Variants in DYNC1I1 observed in about 807,000 individuals in gnomAD.
DYNC1I1 encodes cytoplasmic dynein 1 intermediate chain 1.
A neutral mutation model predicts 86.6 loss-of-function variants in DYNC1I1; 43 were observed. That is an observed-to-expected ratio of 0.50 (90% CI 0.39 to 0.64). DYNC1I1 has a LOEUF of 0.64. Among genes scored for constraint, DYNC1I1 ranks in the 30% least tolerant of loss-of-function variants. The pLI is 0.00. For missense variants in DYNC1I1, 604 were observed against 788.8 expected, an observed-to-expected ratio of 0.77 and a Z score of 2.81; for synonymous variants, 262 against 283.7, an observed-to-expected ratio of 0.92 and a Z score of 0.77.
intron 6 of DYNC1I1, among the ~76,000 whole-genome samples, chr7:95,940,410 T>C (rs1015289502): frequency 1.2e-3 from 188 of 152,338 alleles, no homozygotes; most frequent in Non-Finnish European, 1.7e-3. Flanking sequence ...CTTGGTTCCA[T>C]TCTCCCCGTC....
At chr7:96,077,112 G>A (rs553931077) in intron 15 of DYNC1I1, among the ~76,000 whole-genome samples, 1 of 152,136 alleles carries the variant, frequency 6.6e-6, no homozygotes, top group African/African-American at 2.4e-5. Context: ...CAAGTGCTGC[G>A]AACTATATGT....
chr7:95,851,031 A>T (rs1554399239), intron 5 of DYNC1I1, among the ~76,000 whole-genome samples: 1 of 151,700 alleles, frequency 6.6e-6, no homozygotes, highest in Non-Finnish European at 1.5e-5. Flanking sequence ...TGCAACCTCA[A>T]CCTCCTGCGA....
intron 6 of DYNC1I1, among the ~76,000 whole-genome samples, chr7:95,965,783 G>T (rs372727963): frequency 3.7e-4 from 56 of 152,236 alleles, no homozygotes; most frequent in Middle Eastern, 6.8e-3. Flanking sequence ...ACACATTTTT[G>T]ATTGCAAGTG....
At chr7:95,902,447 C>T (rs1027656327) in intron 6 of DYNC1I1, among the ~76,000 whole-genome samples, 41 of 152,156 alleles carry the variant, frequency 2.7e-4, no homozygotes, top group African/African-American at 9.4e-4. Flanking sequence ...TGATGTTCTA[C>T]AGCACAAGGC....
intron 6 of DYNC1I1, among the ~76,000 whole-genome samples, chr7:95,897,390 C>T (rs1465639841): frequency 1.3e-5 from 2 of 152,102 alleles, no homozygotes; most frequent in African/African-American, 4.8e-5. Context: ...CACCTCTCTC[C>T]CTGCCCCCCA....
chr7:95,874,000 T>C (rs997135936), intron 6 of DYNC1I1, among the ~76,000 whole-genome samples: 4 of 152,236 alleles, frequency 2.6e-5, no homozygotes, highest in Non-Finnish European at 5.9e-5. Context: ...TCCATGGGTC[T>C]ATGCCTAGAT....
At chr7:95,961,190 T>C (rs1237815126) in intron 6 of DYNC1I1, among the ~76,000 whole-genome samples, 1 of 152,190 alleles carries the variant, frequency 6.6e-6, no homozygotes, top group Admixed American at 6.5e-5. Context: ...TCTCTTGGTC[T>C]CTATGACAAT....
rs201704798 is a variant in DYNC1I1, at chr7:96,041,249, G to C, written c.1509+1828G>C. ...AAAGATAACAACCTCATTTATAAGA[G>C]AAATTAAAATTAAAACCAAGTTGAG... On this transcript the variant is annotated intron_variant, in intron 14 of 16. Transcript: ENST00000447467. Among the ~76,000 whole-genome samples, 19 of 152,154 alleles carry C rather than the reference G, an allele frequency of 1.2e-4. No homozygotes were observed. The East Asian group carries it at 3.5e-3, about 28-fold the overall frequency.
At chr7:95,988,526 G>A (rs892183673) in intron 9 of DYNC1I1, among the ~76,000 whole-genome samples, 6 of 152,130 alleles carry the variant, frequency 3.9e-5, no homozygotes, top group African/African-American at 7.2e-5. Context: ...ACAATATACC[G>A]GGCACTGAGT....
At chr7:96,060,809 T>TAA (rs370560035) in intron 14 of DYNC1I1, among the ~76,000 whole-genome samples, 2 of 142,756 alleles carry the variant, frequency 1.4e-5, no homozygotes, top group African/African-American at 5.1e-5. Flanking sequence ...AAATAAAGTC[T>TAA]AAAAAAAAAA....
intron 15 of DYNC1I1, among the ~76,000 whole-genome samples, chr7:96,077,302 A>G (rs541185885): frequency 3.8e-4 from 58 of 150,888 alleles, no homozygotes; most frequent in Non-Finnish European, 7.7e-4. Context: ...AATATTCTTC[A>G]GGTGTTATTA....
In DYNC1I1 at chr7:95,810,081, A is replaced by AT. The variant is rs202086241; in HGVS notation, c.109-302dup. Among the ~76,000 whole-genome samples, 614 of 151,846 alleles carry AT rather than the reference A, an allele frequency of 4.0e-3. 5 individuals are homozygous for AT. The highest frequency in any genetic ancestry group is 0.014 in the Middle Eastern group (4 of 294). On this transcript the variant is annotated intron_variant, in intron 2 of 16. Transcript: ENST00000447467. ...AAGGAAGTCTAAAAAAAGAGACAGA[A>AT]TTTTTTTTTATATTATATCCCCAGC...
intron 6 of DYNC1I1, among the ~76,000 whole-genome samples, chr7:95,917,061 T>G (rs1791489320): frequency 6.6e-6 from 1 of 152,156 alleles, no homozygotes; most frequent in Non-Finnish European, 1.5e-5. Flanking sequence ...TCCATCAGCT[T>G]GAGGTTCTTA....
intron 9 of DYNC1I1, among the ~76,000 whole-genome samples, chr7:95,990,147 C>T (rs1479593664): frequency 6.6e-6 from 1 of 152,170 alleles, no homozygotes; most frequent in African/African-American, 2.4e-5. Flanking sequence ...TATCATCAAA[C>T]ATCATTCCTT....
chr7:95,932,594 A>T (rs1791927196), intron 6 of DYNC1I1, among the ~76,000 whole-genome samples: 1 of 152,224 alleles, frequency 6.6e-6, no homozygotes, highest in South Asian at 2.1e-4. Flanking sequence ...TGCATATATT[A>T]GAAACATGAA....
rs1282354966 is a variant in DYNC1I1 at position 96,036,570 on chromosome 7, C to A, written c.1364+818C>A. ...TCATTCATCTGCCATTTTTCTCTTA[C>A]TACATTATTTCCATTTCATCTTTGA... On this transcript the variant is annotated intron_variant, in intron 13 of 16. Coordinates refer to ENST00000447467, the MANE Select transcript of DYNC1I1 (RefSeq NM_001135556.2). Among the ~76,000 whole-genome samples the A allele has an allele frequency of 2.0e-5, 3 of 152,188 alleles. 1 individual carries two copies. The South Asian group carries it at 6.2e-4, about 31-fold the overall frequency.
chr7:95,900,531 G>A (rs1267339146), intron 6 of DYNC1I1, among the ~76,000 whole-genome samples: 3 of 152,128 alleles, frequency 2.0e-5, no homozygotes, highest in African/African-American at 7.2e-5. Context: ...TTGGAGTCAA[G>A]CTGAGGTCAT....
chr7:96,094,433 C>T (rs140381088), intron 16 of DYNC1I1, among the ~76,000 whole-genome samples: 421 of 152,268 alleles, frequency 2.8e-3, no homozygotes, highest in African/African-American at 9.4e-3. Context: ...GAGACTACCA[C>T]GTGAGAAGAG....
At chr7:95,945,754 T>C (rs1792381553) in intron 6 of DYNC1I1, among the ~76,000 whole-genome samples, 2 of 152,220 alleles carry the variant, frequency 1.3e-5, no homozygotes, top group Non-Finnish European at 2.9e-5. Flanking sequence ...ATTTTGTGGT[T>C]ATTTTTAGTG....
Sources: allele counts gnomAD v4.1 joint callset (sites outside exome capture counted in the v4.1 genomes callset), GRCh38; gene constraint gnomAD v4.1.1; transcripts MANE v1.5; gene names NCBI Gene and HGNC (gene_info 2026-07-23, HGNC 2026-07-21).